AMZ1: variants seen among roughly 807,000 people sequenced by gnomAD.
The protein encoded by AMZ1 is archaelysin family metallopeptidase 1, also known as archaemetzincin-1.
A neutral mutation model predicts 29.9 loss-of-function variants in AMZ1; 39 were observed. The ratio of observed to expected loss-of-function variants is 1.30; its 90% CI spans 1.01 to 1.70. The LOEUF (loss-of-function observed/expected upper bound fraction) is 1.70, where lower values mean the gene tolerates loss of function less well. Among genes scored for constraint, AMZ1 ranks in the 40% most tolerant of loss-of-function variants. AMZ1 has a pLI of 0.00. For missense variants in AMZ1, 1,041 were observed against 680.6 expected, an observed-to-expected ratio of 1.53 and a Z score of -5.89; for synonymous variants, 458 against 304.0, an observed-to-expected ratio of 1.51 and a Z score of -5.27.
At chr7:2,708,372 C>T (rs552601672) in intron 3 of AMZ1, among the ~76,000 whole-genome samples, 32 of 152,310 alleles carry the variant, frequency 2.1e-4, no homozygotes, top group Admixed American at 2.1e-3. Flanking sequence ...TGGCCTTTGA[C>T]TTACCATGTC....
chr7:2,709,627 G>A lies in AMZ1; in HGVS notation c.772-13G>A, dbSNP rs368266938. The A allele has an allele frequency of 6.2e-7, 1 of 1,604,766 alleles. No individual in the cohort carries two copies. The highest frequency in any genetic ancestry group is 8.5e-7 in the Non-Finnish European group (1 of 1,176,370). On this transcript the variant is annotated splice_polypyrimidine_tract_variant and intron_variant, in intron 5 of 6. Coordinates refer to ENST00000683327, the MANE Select transcript of AMZ1 (RefSeq NM_001384743.1). ...AGGCAGTGAGGCAAGGTGCTTGGTG[G>A]CCTTCCCCCCAGGTCACGTGCCACG...
upstream of AMZ1, chr7:2,762,901 G>A (rs1313822953): frequency 9.1e-6 from 13 of 1,421,580 alleles, no homozygotes; most frequent in East Asian, 2.7e-4. Context: ...GTGCTGCGGC[G>A]GGGAGAAGAG....
At position 2,717,011 on chromosome 7, in the gene AMZ1, T is replaced by C. The variant is rs548127261; in HGVS notation, c.*4133T>C. ...TGGAGCGGTCTGAGCAGGAAGAGAG[T>C]AAGAAGGCGCACGGACGCGGGAGGC... On this transcript the variant is annotated 3_prime_UTR_variant, in exon 7 of 7. Transcript: ENST00000683327. Among the ~76,000 whole-genome samples, 1,120 of 151,944 alleles carry C rather than the reference T, an allele frequency of 7.4e-3. 2 individuals carry two copies. Among genetic ancestry groups the C allele is most frequent in the Non-Finnish European group, 0.012 (833 of 67,932 alleles).
intron 1 of AMZ1, among the ~76,000 whole-genome samples, chr7:2,691,728 C>A (rs1412978925): frequency 3.7e-5 from 1 of 27,268 alleles, no homozygotes. Context: ...AAGGCTCCGT[C>A]TCAAAAAAAA....
chr7:2,732,280 G>A (rs370975384), intron 4 of AMZ1, among the ~76,000 whole-genome samples: 19 of 152,082 alleles, frequency 1.2e-4, no homozygotes, highest in Admixed American at 2.0e-4. Context: ...GGCCAGGCAC[G>A]GTGGCTCACA....
intron 1 of AMZ1, among the ~76,000 whole-genome samples, chr7:2,689,055 C>A (rs991490978): frequency 6.6e-6 from 1 of 152,214 alleles, no homozygotes; most frequent in Admixed American, 6.5e-5. Flanking sequence ...GCGGTCTAAG[C>A]CCCCGGTTTT....
chr7:2,744,101 C>A (rs963765864), intron 4 of AMZ1, among the ~76,000 whole-genome samples: 3 of 152,220 alleles, frequency 2.0e-5, no homozygotes, highest in Non-Finnish European at 4.4e-5. Context: ...GGGCAGGGCA[C>A]AGACAAACAA....
At chr7:2,752,481 G>A (rs553754948) in intron 4 of AMZ1, among the ~76,000 whole-genome samples, 2 of 152,268 alleles carry the variant, frequency 1.3e-5, no homozygotes, top group South Asian at 4.1e-4. Flanking sequence ...TGAAACAAAA[G>A]ACACAGGGAC....
chr7:2,747,951 A>G (rs1402142664), intron 4 of AMZ1, among the ~76,000 whole-genome samples: 1 of 151,654 alleles, frequency 6.6e-6, no homozygotes, highest in Non-Finnish European at 1.5e-5. Flanking sequence ...CCAACTTACA[A>G]GGGATGTGAA....
At chr7:2,746,897 G>T (rs1332616060) in intron 4 of AMZ1, among the ~76,000 whole-genome samples, 10 of 152,134 alleles carry the variant, frequency 6.6e-5, no homozygotes, top group Non-Finnish European at 1.3e-4. Context: ...ACACCTCTAC[G>T]CAAATAAACT....
At chr7:2,690,149 G>C (rs79031440) in intron 1 of AMZ1, among the ~76,000 whole-genome samples, 8,589 of 152,208 alleles carry the variant, frequency 0.056, 643 homozygotes, top group African/African-American at 0.17. Flanking sequence ...TCCTAGCTTG[G>C]AGCCTGTCAC....
At chr7:2,703,638 G>C (rs1401510904) in intron 3 of AMZ1, among the ~76,000 whole-genome samples, 1 of 152,170 alleles carries the variant, frequency 6.6e-6, no homozygotes, top group African/African-American at 2.4e-5. Context: ...CTAGACTCAA[G>C]TTTAGGGAGG....
chr7:2,690,466 C>T (rs1450133345), intron 1 of AMZ1, among the ~76,000 whole-genome samples: 1 of 152,134 alleles, frequency 6.6e-6, no homozygotes. Flanking sequence ...AGCGATTGTC[C>T]CGGGAGGTGG....
chr7:2,753,204 G>C (rs1791123394), intron 4 of AMZ1, among the ~76,000 whole-genome samples: 2 of 151,988 alleles, frequency 1.3e-5, no homozygotes, highest in African/African-American at 2.4e-5. Context: ...GCCCAGGATG[G>C]AATGCAGCGG....
chr7:2,697,637 C>T (rs933439789), intron 1 of AMZ1, among the ~76,000 whole-genome samples: 18 of 151,940 alleles, frequency 1.2e-4, no homozygotes, highest in Admixed American at 7.9e-4. Flanking sequence ...GTTGCCTGGG[C>T]TGGTCTTGAA....
intron 4 of AMZ1, among the ~76,000 whole-genome samples, chr7:2,726,907 C>A (rs947297548): frequency 2.6e-5 from 4 of 152,232 alleles, no homozygotes; most frequent in Admixed American, 6.5e-5. Context: ...CCTCCACCTG[C>A]CATCCCCATG....
chr7:2,754,295 A>T (rs554647766), intron 4 of AMZ1, among the ~76,000 whole-genome samples: 2 of 152,018 alleles, frequency 1.3e-5, no homozygotes, highest in Non-Finnish European at 2.9e-5. Flanking sequence ...TGGTGAAATC[A>T]CTTCATATGT....
In AMZ1 at chr7:2,715,942, C is replaced by G. The variant is rs1789097352; in HGVS notation, c.*3064C>G. On this transcript the variant is annotated 3_prime_UTR_variant, in exon 7 of 7. Transcript: ENST00000683327. ...TTCAGTTTTTAAACACGTGCAAAGT[C>G]CACTGAATTGCTTTCTCGTCTCATC... The G allele has an allele frequency of 6.6e-6, 1 of 152,180 alleles. No individual in the cohort carries two copies. Among genetic ancestry groups the G allele is most frequent in the South Asian group, 2.1e-4 (1 of 4,824 alleles). 9.4% of individuals were successfully genotyped at this position (152,180 alleles called of 1,614,324 possible).
rs1281649670 is a variant in AMZ1 at position 2,712,538 on chromosome 7, G to A, written c.1157G>A (p.Ser386Asn). Residue 386 changes from serine (S) to asparagine (N), a missense_variant, in exon 7 of 7, where the codon AGC becomes AAC. Physicochemically the swap from Ser to Asn is conservative, Grantham distance 46. Coordinates refer to ENST00000683327, the MANE Select transcript of AMZ1 (RefSeq NM_001384743.1). ...GCCTCGGGGCCAGAGGAAGGGCTGA[G>A]CTACCTGGCAGCCTCAGAGGCTCCG... ...TFASGPEEGL[S>N]YLAASEAPLP... 6.2e-7 allele frequency: 1 copy of A among 1,608,850 alleles called. No homozygotes were observed. The highest frequency in any genetic ancestry group is 8.5e-7 in the Non-Finnish European group (1 of 1,177,862).
Sources: gnomAD v4.1 joint callset for allele counts (sites outside exome capture counted in the v4.1 genomes callset) on GRCh38, gnomAD v4.1.1 for gene constraint, MANE v1.5 for transcripts, NCBI Gene and HGNC (gene_info 2026-07-23, HGNC 2026-07-21) for gene names.